The following WRAP53 variants were observed in gnomAD, a reference collection of about 807,000 sequenced individuals.
WRAP53 encodes WD repeat containing antisense to TP53, also known as telomerase Cajal body protein 1.
A neutral mutation model predicts 56.6 loss-of-function variants in WRAP53; 28 were observed. The ratio of observed to expected loss-of-function variants is 0.50; its 90% CI spans 0.37 to 0.68. The LOEUF (loss-of-function observed/expected upper bound fraction) is 0.68. Ranked by LOEUF, WRAP53 falls within the 30% of genes least tolerant of loss-of-function variation. The probability of loss-of-function intolerance (pLI) is 0.00; values close to 1 mark genes in which losing one functional copy is unlikely to be tolerated. For synonymous variants in WRAP53, 283 were observed against 283.4 expected (o/e 1.00, Z 0.01); for missense variants, 671 against 715.5 (o/e 0.94, Z 0.71).
rs571251413 is a variant in WRAP53, at chr17:7,695,731, C to G, written c.643-5010C>G. On this transcript the variant is annotated intron_variant, in intron 4 of 10. Transcript: ENST00000396463. Reference sequence around the variant, plus strand: ...GTATCCAAGCCAAAAGCCAGGGTCTCTCTCATCCTTTAATCTTTAATCTCC... The same window carrying G: ...GTATCCAAGCCAAAAGCCAGGGTCTGTCTCATCCTTTAATCTTTAATCTCC... 3.3e-4 allele frequency among the ~76,000 whole-genome samples: 51 copies of G among 152,292 alleles called. No individual in the cohort carries two copies. In the South Asian group the frequency reaches 5.6e-3, roughly 17 times the overall value.
At chr17:7,694,266 CAG>C (rs539383429) in intron 4 of WRAP53, among the ~76,000 whole-genome samples, 316 of 114,968 alleles carry the variant, frequency 2.7e-3, no homozygotes, top group Non-Finnish European at 4.6e-3. Context: ...TTTTTTGAGA[CAG>C]AGTCTCGCTC....
chr17:7,701,955 G>A lies in WRAP53; in HGVS notation c.955+166G>A, dbSNP rs748651579. On this transcript the variant is annotated intron_variant, in intron 7 of 10. Transcript: ENST00000396463. The surrounding 1 kb of genome is among the most constrained non-coding windows in gnomAD (Gnocchi z 4.2). The stretch of plus-strand genomic sequence containing the variant: ...AGAGGAGCAAACAGGCTCAGAGCAG[G>A]TAGGAAACCTTCCCAAGGCCAACCA... 1.6e-6 allele frequency: 2 copies of A among 1,217,772 alleles called. No homozygotes were observed. The highest frequency in any genetic ancestry group is 1.3e-5 in the South Asian group (1 of 76,958). The allele number at this position is 1,217,772 out of a possible 1,614,324, so 75.4% of individuals were successfully genotyped here. A position where few individuals can be genotyped will look rare whatever the true frequency, so the allele number is the denominator to read the frequency against.
At position 7,701,481 on chromosome 17, in the gene WRAP53, A is replaced by T; in HGVS notation, c.754A>T (p.Asn252Tyr). The stretch of plus-strand genomic sequence containing the variant: ...CAGCGTGGCCAGCAGCAGCCGGGAG[A>T]ACCCGATTCATATCTGGGACGCATT... ...TSYVASSSRE[N>Y]PIHIWDAFTG... Residue 252 changes from asparagine (N) to tyrosine (Y), a missense_variant, in exon 6 of 11, where the codon AAC becomes TAC. Around this residue, in one of 3 missense-constraint regions of WRAP53, gnomAD observed 406 missense variants for 418.5 expected, o/e 0.97. Transcript: ENST00000396463. The surrounding 1 kb of genome is among the most constrained non-coding windows in gnomAD (Gnocchi z 4.2). The T allele has an allele frequency of 1.9e-6, 3 of 1,614,204 alleles. No homozygotes were observed. Among genetic ancestry groups the T allele is most frequent in the Non-Finnish European group, 2.5e-6 (3 of 1,180,038 alleles).
In WRAP53 at chr17:7,703,401, G is replaced by A; in HGVS notation, c.1562G>A (p.Gly521Glu). The A allele has an allele frequency of 6.2e-7, 1 of 1,612,670 alleles. No homozygotes were observed. Among genetic ancestry groups the A allele is most frequent in the Non-Finnish European group, 8.5e-7 (1 of 1,179,206 alleles). The change falls in exon 11 of 11, where the codon GGG (glycine) becomes GAG (glutamate). Residue 521 changes from glycine to glutamate, a missense_variant. This residue lies in a region of WRAP53 where 107 missense variants were observed against 81.3 expected (regional missense o/e 1.32). Transcript: ENST00000396463. ...ECRLQLWWCGGAPDSSIPDDH... is the reference protein window; with the variant it reads ...ECRLQLWWCGEAPDSSIPDDH... ...CGGCTTCAGCTCTGGTGGTGTGGGG[G>A]GGCGCCAGACTCCAGCATCCCTGAT...
rs75402662 is a variant in WRAP53 at position 7,700,960 on chromosome 17, G to A, written c.731+131G>A. On this transcript the variant is annotated intron_variant, in intron 5 of 10. Transcript: ENST00000396463. The stretch of plus-strand genomic sequence containing the variant: ...GCATGCTTATCAGAGGGGCTGGTCA[G>A]TTGGCTTCCTCCCCTTCCTTTTTTT... The A allele has an allele frequency of 6.9e-4, 485 of 704,326 alleles. 8 individuals carry two copies. In the East Asian group the frequency reaches 0.013, roughly 19 times the overall value. 43.6% of individuals were successfully genotyped at this position (704,326 alleles called of 1,614,324 possible). A position where few individuals can be genotyped will look rare whatever the true frequency, so the allele number is the denominator to read the frequency against.
Position 7,689,774 on chromosome 17 carries a change from A to C in WRAP53, c.642+73A>C, listed in dbSNP as rs2074084568. 6 of 1,249,684 alleles carry C rather than the reference A, an allele frequency of 4.8e-6. No individual in the cohort carries two copies. In the Admixed American group the frequency reaches 1.1e-4, roughly 24 times the overall value. The allele number at this position is 1,249,684 out of a possible 1,614,324, so 77.4% of individuals were successfully genotyped here. The stretch of plus-strand genomic sequence containing the variant: ...TCCTTCGTGGAGATGGAAAAAGTGT[A>C]GTCCAAGTGTTTCCTGTTCACAAAC... On this transcript the variant is annotated intron_variant, in intron 4 of 10. Coordinates refer to ENST00000396463, the MANE Select transcript of WRAP53 (RefSeq NM_001143992.2).
chr17:7,693,030 C>T (rs980502085), intron 4 of WRAP53, among the ~76,000 whole-genome samples: 2 of 151,728 alleles, frequency 1.3e-5, no homozygotes, highest in African/African-American at 4.8e-5. Flanking sequence ...CATGAGCCAC[C>T]GCGCCCAGCC....
At chr17:7,690,151 G>A (rs2074089912) in intron 4 of WRAP53, among the ~76,000 whole-genome samples, 2 of 152,352 alleles carry the variant, frequency 1.3e-5, no homozygotes, top group East Asian at 1.9e-4. Flanking sequence ...GTTTCGCCAT[G>A]TTGGGCAGGC....
At position 7,689,206 on chromosome 17, in the gene WRAP53, C is replaced by T; in HGVS notation, c.432-18C>T. 6.2e-7 allele frequency: 1 copy of T among 1,613,722 alleles called. No individual in the cohort carries two copies. The highest frequency in any genetic ancestry group is 8.5e-7 in the Non-Finnish European group (1 of 1,179,910). On this transcript the variant is annotated intron_variant, in intron 2 of 10. Transcript: ENST00000396463. ...TTGCTTGGCGACCCAGGTTTATTGT[C>T]CCCCATCTTCCTTTCAGCGCTTGGA...
Position 7,702,350 on chromosome 17 carries a change from A to G in WRAP53, c.962A>G (p.Lys321Arg), listed in dbSNP as rs1299115479. 2 of 1,614,122 alleles carry G rather than the reference A, an allele frequency of 1.2e-6. No individual in the cohort carries two copies. Among genetic ancestry groups the G allele is most frequent in the Non-Finnish European group, 1.7e-6 (2 of 1,180,028 alleles). The change falls in exon 8 of 11, where the codon AAG becomes AGG. Residue 321 changes from lysine (K) to arginine (R), a missense_variant. Physicochemically the swap from Lys to Arg is conservative, Grantham distance 26. This residue lies in a region of WRAP53 where 406 missense variants were observed against 418.5 expected (regional missense o/e 0.97). Transcript: ENST00000396463. This position sits in a 1 kb window ranked among gnomAD's most constrained non-coding sequence, Gnocchi z 5.0. ...DCEVRATFAK[K>R]QGQSGIISCI... ...TTGTTCCTTCCCTCTCTAGCAAAAA[A>G]GCAGGGCCAGAGCGGCATCATCTCC...
At chr17:7,686,268 ACT>A (rs995473385), upstream of WRAP53, 2 of 150,858 alleles carry the variant, frequency 1.3e-5, no homozygotes, top group African/African-American at 4.9e-5. Flanking sequence ...CCATCATTGC[ACT>A]CTTTCAAAAT....
rs549557586 is a variant in WRAP53, at chr17:7,703,454, G to A, written c.1615G>A (p.Gly539Arg). 3 of 1,613,880 alleles carry A rather than the reference G, an allele frequency of 1.9e-6. No individual in the cohort carries two copies. Among genetic ancestry groups the A allele is most frequent in the South Asian group, 2.2e-5 (2 of 91,064 alleles). Residue 539 changes from glycine (G) to arginine (R), a missense_variant, in exon 11 of 11, where the codon GGA becomes AGA. Around this residue, in one of 3 missense-constraint regions of WRAP53, gnomAD observed 107 missense variants for 81.3 expected, o/e 1.32. Coordinates refer to ENST00000396463, the MANE Select transcript of WRAP53 (RefSeq NM_001143992.2). ...TCACCAGGGCGAGAAAGGGCAGGGA[G>A]GAACGGAGGGAGGTGTGGGTGAGCT... Reference protein sequence around the residue: ...DDHQGEKGQGGTEGGVGELI With the variant: ...DDHQGEKGQGRTEGGVGELI
Position 7,702,186 on chromosome 17 carries a change from G to GGGAGCATCA in WRAP53, c.956-156_956-148dup. ...TAGGTCCTTTGGGAGGATAGATGTG[G>GGGAGCATCA]GGAGCATCAGAGGTCTTTGTCCTGC... On this transcript the variant is annotated intron_variant, in intron 7 of 10. Transcript: ENST00000396463. This position sits in a 1 kb window ranked among gnomAD's most constrained non-coding sequence, Gnocchi z 5.0. 1 of 787,018 alleles carries GGGAGCATCA rather than the reference G, an allele frequency of 1.3e-6. No homozygotes were observed. The highest frequency in any genetic ancestry group is 1.6e-5 in the South Asian group (1 of 62,406). The allele number at this position is 787,018 out of a possible 1,614,324, so 48.8% of individuals were successfully genotyped here.
In WRAP53 at chr17:7,703,443, A is replaced by G. The variant is rs753976562; in HGVS notation, c.1604A>G (p.Lys535Arg). The change falls in exon 11 of 11, where the codon AAA (lysine) becomes AGA (arginine). Residue 535 changes from lysine to arginine, a missense_variant. Physicochemically the swap from Lys to Arg is conservative, Grantham distance 26 (BLOSUM62 2). This residue lies in a region of WRAP53 where 107 missense variants were observed against 81.3 expected (regional missense o/e 1.32). Coordinates refer to ENST00000396463, the MANE Select transcript of WRAP53 (RefSeq NM_001143992.2). ...ATCCCTGATGATCACCAGGGCGAGAAAGGGCAGGGAGGAACGGAGGGAGGT... is the reference window on the plus strand; with the variant it reads ...ATCCCTGATGATCACCAGGGCGAGAGAGGGCAGGGAGGAACGGAGGGAGGT... ...SSIPDDHQGE[K>R]GQGGTEGGVG... 3.1e-6 allele frequency: 5 copies of G among 1,612,052 alleles called. No individual in the cohort carries two copies. In the East Asian group the frequency reaches 9.0e-5, roughly 29 times the overall value.
chr17:7,689,484 C>A, intron 3 of WRAP53, 106 bp from the exon 4 acceptor site: 1 of 1,307,300 alleles, frequency 7.6e-7, no homozygotes. Flanking sequence ...TTCTACTTCC[C>A]TCAAGGATTC....
At chr17:7,686,494 C>T (rs957819313), upstream of WRAP53, 6 of 152,178 alleles carry the variant, frequency 3.9e-5, no homozygotes, top group Non-Finnish European at 7.3e-5. Flanking sequence ...AACAAATACC[C>T]CTGCCTTTGC....
At chr17:7,689,549 G>GCAAA (rs747235125) in intron 3 of WRAP53, 41 bp from the exon 4 acceptor site, 1 of 1,588,150 alleles carries the variant, frequency 6.3e-7, no homozygotes, top group East Asian at 2.2e-5. Flanking sequence ...CACTTGAAAA[G>GCAAA]CATAGGTCTG....
Position 7,700,547 on chromosome 17 carries a change from T to TA in WRAP53, c.643-182dup, listed in dbSNP as rs1332262473. On this transcript the variant is annotated intron_variant, in intron 4 of 10. Transcript: ENST00000396463. Reference sequence around the variant, plus strand: ...TGGTGCATGCTCTGTCTCAAAATAATAAAAAAAAAAAAGTATGAATCTATA... The same window carrying TA: ...TGGTGCATGCTCTGTCTCAAAATAATAAAAAAAAAAAAAGTATGAATCTATA... Among the ~76,000 whole-genome samples, 3,615 of 138,408 alleles carry TA rather than the reference T, an allele frequency of 0.026. 135 individuals carry two copies. Among genetic ancestry groups the TA allele is most frequent in the African/African-American group, 0.085 (3,234 of 38,244 alleles). The allele number at this position is 138,408 out of a possible 152,430, so 90.8% of individuals were successfully genotyped here.
chr17:7,701,640 C>T lies in WRAP53; in HGVS notation c.823-17C>T. 1.2e-6 allele frequency: 2 copies of T among 1,614,186 alleles called. No individual in the cohort carries two copies. Among genetic ancestry groups the T allele is most frequent in the Non-Finnish European group, 1.7e-6 (2 of 1,179,976 alleles). On this transcript the variant is annotated splice_polypyrimidine_tract_variant and intron_variant, in intron 6 of 10. Coordinates refer to ENST00000396463, the MANE Select transcript of WRAP53 (RefSeq NM_001143992.2). The surrounding 1 kb of genome is among the most constrained non-coding windows in gnomAD (Gnocchi z 4.2). ...GAGGCTTTGCAAGACCTGTTTTCAG[C>T]CCTTTCCTTCCCCCAGGATGAGCTG...
Sources: allele counts gnomAD v4.1 joint callset (sites outside exome capture counted in the v4.1 genomes callset), GRCh38; gene constraint gnomAD v4.1.1; regional missense constraint gnomAD v4.1.1; non-coding constraint Gnocchi (gnomAD v3.1); transcripts MANE v1.5; gene names NCBI Gene and HGNC (gene_info 2026-07-23, HGNC 2026-07-21).